ADCY1: variants seen among roughly 807,000 people sequenced by gnomAD.
ADCY1 encodes adenylate cyclase 1, also known as adenylate cyclase type 1.
ADCY1 carries 28 observed loss-of-function variants against 105.4 expected under a neutral mutation model. The ratio of observed to expected loss-of-function variants is 0.27; its 90% CI spans 0.20 to 0.36. The LOEUF is 0.36. Ranked by LOEUF, ADCY1 falls within the 10% of genes least tolerant of loss-of-function variation. The pLI is 1.00. For synonymous variants in ADCY1, 655 were observed against 623.8 expected (o/e 1.05, Z -0.75); for missense variants, 977 against 1,434.2 (o/e 0.68, Z 5.15).
intron 11 of ADCY1, among the ~76,000 whole-genome samples, chr7:45,680,974 G>A (rs575835054): frequency 1.3e-4 from 20 of 152,336 alleles, no homozygotes; most frequent in African/African-American, 4.3e-4. Flanking sequence ...TGATTCTTGC[G>A]AGTGGATGTA....
chr7:45,594,025 CTG>C (rs1207635913), intron 2 of ADCY1, among the ~76,000 whole-genome samples: 2 of 152,092 alleles, frequency 1.3e-5, no homozygotes, highest in Non-Finnish European at 2.9e-5. Flanking sequence ...GCCTTTGCCT[CTG>C]TACATGTGTG....
chr7:45,636,123 T>C (rs1045246532), intron 4 of ADCY1, among the ~76,000 whole-genome samples: 4 of 152,210 alleles, frequency 2.6e-5, no homozygotes, highest in Non-Finnish European at 5.9e-5. Context: ...TTGTCTGATA[T>C]TAATAGAGCC....
chr7:45,698,477 T>G (rs912061043), intron 14 of ADCY1, among the ~76,000 whole-genome samples: 3 of 152,064 alleles, frequency 2.0e-5, no homozygotes, highest in African/African-American at 7.2e-5. Flanking sequence ...TGGAGCTGAT[T>G]GGAGTAGCAG....
At chr7:45,588,110 G>A (rs1792784804) in intron 1 of ADCY1, among the ~76,000 whole-genome samples, 1 of 152,108 alleles carries the variant, frequency 6.6e-6, no homozygotes, top group South Asian at 2.1e-4. Context: ...TATTAGTACT[G>A]ATGTTTATTT....
intron 14 of ADCY1, among the ~76,000 whole-genome samples, chr7:45,690,413 G>T (rs909308701): frequency 6.6e-6 from 1 of 152,200 alleles, no homozygotes; most frequent in Non-Finnish European, 1.5e-5. Flanking sequence ...AGAGAGGGCT[G>T]CCTGATAGGA....
intron 5 of ADCY1, among the ~76,000 whole-genome samples, chr7:45,656,733 G>A (rs1794954938): frequency 6.6e-6 from 1 of 152,208 alleles, no homozygotes; most frequent in African/African-American, 2.4e-5. Flanking sequence ...GTACCGAGTT[G>A]TTATTGACAA....
At position 45,586,254 on chromosome 7, in the gene ADCY1, G is replaced by A. The variant is rs79024375; in HGVS notation, c.640-6505G>A. On this transcript the variant is annotated intron_variant, in intron 1 of 19. Transcript: ENST00000297323. Reference sequence around the variant, plus strand: ...TGCATGCGGCCCTAACACCCCCTTGGAACTGAGGTGCCAGTGGTTACACAG... The same window carrying A: ...TGCATGCGGCCCTAACACCCCCTTGAAACTGAGGTGCCAGTGGTTACACAG... 1.2e-4 allele frequency among the ~76,000 whole-genome samples: 19 copies of A among 152,204 alleles called. No homozygotes were observed. In the East Asian group the frequency reaches 3.3e-3, roughly 26 times the overall value.
chr7:45,662,094 G>A lies in ADCY1; in HGVS notation c.1485G>A (p.Pro495=), dbSNP rs996216787. The part of the protein sequence containing the change: ...FPGLILSDIK[P]AKRMKFKTVC... ...GCCTGATTCTCTCAGATATAAAACC[G>A]GCCAAAAGGATGAAGTTCAAGACTG... is the stretch of plus-strand genomic sequence containing the variant. Residue 495 remains proline (P), a synonymous_variant, in exon 8 of 20, where the codon CCG becomes CCA. Transcript: ENST00000297323. The A allele has an allele frequency of 3.7e-6, 6 of 1,614,064 alleles. No individual in the cohort carries two copies. The African/African-American group carries it at 6.7e-5, about 18-fold the overall frequency.
intron 8 of ADCY1, chr7:45,664,331 G>A (rs1398203317): frequency 6.5e-7 from 1 of 1,536,126 alleles, no homozygotes; most frequent in Non-Finnish European, 8.7e-7. Flanking sequence ...TGTCCTCCTG[G>A]GGTTTTGGTC....
chr7:45,676,237 C>CT (rs1034837296), intron 8 of ADCY1, among the ~76,000 whole-genome samples: 14 of 151,886 alleles, frequency 9.2e-5, no homozygotes, highest in Non-Finnish European at 1.6e-4. Context: ...TTATACTTTC[C>CT]TTTTTTCTGA....
intron 14 of ADCY1, among the ~76,000 whole-genome samples, chr7:45,688,352 T>C (rs1784727814): frequency 6.6e-6 from 1 of 152,244 alleles, no homozygotes; most frequent in African/African-American, 2.4e-5. Context: ...TCGGTAAGGC[T>C]GAGCAGCCCT....
intron 2 of ADCY1, among the ~76,000 whole-genome samples, chr7:45,604,695 A>T (rs1793328824): frequency 6.6e-6 from 1 of 152,138 alleles, no homozygotes; most frequent in African/African-American, 2.4e-5. Flanking sequence ...TTATCTGGCA[A>T]CCCACGTCAC....
intron 5 of ADCY1, among the ~76,000 whole-genome samples, chr7:45,657,477 G>A (rs914877323): frequency 6.6e-5 from 10 of 152,242 alleles, no homozygotes; most frequent in African/African-American, 2.4e-4. Flanking sequence ...TGAGTCTGGT[G>A]TGGACATGGT....
At chr7:45,698,545 T>C (rs1257035883) in intron 14 of ADCY1, among the ~76,000 whole-genome samples, 1 of 152,028 alleles carries the variant, frequency 6.6e-6, no homozygotes, top group African/African-American at 2.4e-5. Flanking sequence ...ACCTGTTGCA[T>C]TGGCAGGACT....
chr7:45,644,354 C>T lies in ADCY1; in HGVS notation c.1021-4316C>T, dbSNP rs565089103. 2.0e-5 allele frequency among the ~76,000 whole-genome samples: 3 copies of T among 152,292 alleles called. No individual in the cohort carries two copies. The East Asian group carries it at 5.8e-4, about 29-fold the overall frequency. ...TGCCCTTCTGGGACGGGTCCTGGGG[C>T]TGGGCAGGGTCAGAGTGCACTGGCC... On this transcript the variant is annotated intron_variant, in intron 4 of 19. Transcript: ENST00000297323.
At chr7:45,702,121 C>T (rs1785010588) in intron 14 of ADCY1, among the ~76,000 whole-genome samples, 1 of 152,234 alleles carries the variant, frequency 6.6e-6, no homozygotes, top group Non-Finnish European at 1.5e-5. Context: ...TAGAAATCTC[C>T]ACTTCTCTGT....
At chr7:45,677,723 A>AGCAGG (rs985309237) in intron 8 of ADCY1, 146 bp from the exon 9 acceptor site, 1 of 845,178 alleles carries the variant, frequency 1.2e-6, no homozygotes, top group African/African-American at 1.7e-5. Context: ...TCTCACCACC[A>AGCAGG]GCAGGGCAGA....
In ADCY1 at chr7:45,660,075, C is replaced by T. The variant is rs777911292; in HGVS notation, c.1341C>T (p.Cys447=). The T allele has an allele frequency of 3.7e-6, 6 of 1,614,228 alleles. No homozygotes were observed. Among genetic ancestry groups the T allele is most frequent in the Non-Finnish European group, 5.1e-6 (6 of 1,180,040 alleles). The change falls in exon 7 of 20, where the codon TGC becomes TGT. Residue 447 remains cysteine (C), a synonymous_variant. Transcript: ENST00000297323. ...ATATCACAAAGACGACCCTAGCGTG[C>T]TTGAATGGGGACTACGAGGTAGAAC... The part of the protein sequence containing the change: ...KVHITKTTLA[C]LNGDYEVEPG...
intron 2 of ADCY1, among the ~76,000 whole-genome samples, chr7:45,597,446 C>T (rs113722216): frequency 2.5e-4 from 38 of 152,352 alleles, no homozygotes; most frequent in African/African-American, 8.7e-4. Context: ...GAGCACCTCT[C>T]AATTTCCTGG....
Sources: allele counts gnomAD v4.1 joint callset (sites outside exome capture counted in the v4.1 genomes callset), GRCh38; gene constraint gnomAD v4.1.1; transcripts MANE v1.5; gene names NCBI Gene and HGNC (gene_info 2026-07-23, HGNC 2026-07-21).